The following ABCC4 variants were observed in gnomAD, a reference collection of about 807,000 sequenced individuals.
The protein encoded by ABCC4 is ATP-binding cassette sub-family C member 4.
In ABCC4, 102 loss-of-function variants were observed where a neutral mutation model predicts 168.5. The observed-to-expected ratio is 0.61, with a 90% CI of 0.52 to 0.71. ABCC4 has a LOEUF of 0.71. ABCC4 is among the 30% of genes least tolerant of loss of function. The pLI is 0.00. For synonymous variants in ABCC4, 617 were observed against 590.7 expected (o/e 1.04, Z -0.65); for missense variants, 1,402 against 1,605.8 (o/e 0.87, Z 2.17).
chr13:95,195,361 T>C (rs1379804864), intron 8 of ABCC4, among the ~76,000 whole-genome samples: 1 of 152,174 alleles, frequency 6.6e-6, no homozygotes, highest in Non-Finnish European at 1.5e-5. Flanking sequence ...CGCTAGATGC[T>C]GGCAACATGA....
At chr13:95,149,473 G>A (rs2036604325) in intron 19 of ABCC4, among the ~76,000 whole-genome samples, 1 of 152,018 alleles carries the variant, frequency 6.6e-6, no homozygotes, top group African/African-American at 2.4e-5. Context: ...AAGAGAAGAA[G>A]AATACATTTA....
At chr13:95,242,686 A>G (rs1055197083) in intron 3 of ABCC4, among the ~76,000 whole-genome samples, 1 of 152,186 alleles carries the variant, frequency 6.6e-6, no homozygotes, top group East Asian at 1.9e-4. Flanking sequence ...TGCCTGGCCA[A>G]TAAATAGCTT....
chr13:95,043,844 C>A, intron 28 of ABCC4, 57 bp from the exon 29 acceptor site: 3 of 1,209,548 alleles, frequency 2.5e-6, no homozygotes, highest in South Asian at 1.3e-5. Flanking sequence ...AGACTTAAGA[C>A]TTAAAAAGCT....
At chr13:95,028,981 C>T (rs376313846) in intron 30 of ABCC4, among the ~76,000 whole-genome samples, 152 of 151,662 alleles carry the variant, frequency 1.0e-3, no homozygotes, top group African/African-American at 3.6e-3. Flanking sequence ...GCCTGGCCAA[C>T]ATGGTAAAAA....
Position 95,034,757 on chromosome 13 carries a change from G to A in ABCC4, c.3736-18C>T, listed in dbSNP as rs761265453. 6.2e-7 allele frequency: 1 copy of A among 1,613,516 alleles called. No individual in the cohort carries two copies. Among genetic ancestry groups the A allele is most frequent in the Non-Finnish European group, 8.5e-7 (1 of 1,179,918 alleles). The stretch of plus-strand genomic sequence containing the variant: ...TCTAAAACCTGTTAATCAGCAGAAA[G>A]AAACCCATTGAAACACAATGTTTTG... On this transcript the variant is annotated intron_variant, in intron 29 of 30. Coordinates refer to ENST00000645237, the MANE Select transcript of ABCC4 (RefSeq NM_005845.5).
At chr13:95,058,567 C>CA (rs1165324016) in intron 26 of ABCC4, among the ~76,000 whole-genome samples, 107 of 62,664 alleles carry the variant, frequency 1.7e-3, no homozygotes, top group East Asian at 5.1e-3. Context: ...GACTCCATCT[C>CA]AAAAAAAAAA....
intron 1 of ABCC4, among the ~76,000 whole-genome samples, chr13:95,275,401 G>A (rs777406604): frequency 1.3e-5 from 2 of 152,144 alleles, no homozygotes; most frequent in East Asian, 1.9e-4. Context: ...GTAATTATCC[G>A]CAAGCTAATA....
chr13:95,064,350 T>G (rs937434132), intron 25 of ABCC4, among the ~76,000 whole-genome samples: 1 of 149,552 alleles, frequency 6.7e-6, no homozygotes, highest in African/African-American at 2.5e-5. Context: ...GGATATTAAT[T>G]CAAGACAGAG....
At chr13:95,071,535 G>C in intron 25 of ABCC4, 127 bp downstream of exon 25, 1 of 784,984 alleles carries the variant, frequency 1.3e-6, no homozygotes, top group Non-Finnish European at 1.8e-6. Context: ...CACATTCCAT[G>C]GTTAGTTTCC....
Position 95,301,342 on chromosome 13 carries a change from G to C in ABCC4, c.-28C>G, listed in dbSNP as rs750919041. On this transcript the variant is annotated 5_prime_UTR_variant, in exon 1 of 31. Transcript: ENST00000645237. ...TGCCGGGCGGGGCGGGCGCGGGCCG[G>C]GGTCGCGCTGATCAGGCGGCGGTGG... is the stretch of plus-strand genomic sequence containing the variant. 1 of 1,560,732 alleles carries C rather than the reference G, an allele frequency of 6.4e-7. No individual in the cohort carries two copies. Among genetic ancestry groups the C allele is most frequent in the Admixed American group, 1.9e-5 (1 of 52,958 alleles).
chr13:95,222,266 G>A (rs539408186), intron 4 of ABCC4, among the ~76,000 whole-genome samples: 1 of 152,320 alleles, frequency 6.6e-6, no homozygotes, highest in East Asian at 1.9e-4. Flanking sequence ...CCACGGCTAA[G>A]TGGCTCATAC....
intron 19 of ABCC4, among the ~76,000 whole-genome samples, chr13:95,138,769 T>C (rs952499566): frequency 6.6e-6 from 1 of 152,236 alleles, no homozygotes; most frequent in African/African-American, 2.4e-5. Context: ...AGGCATCCAT[T>C]TTACTGAAGA....
chr13:95,034,535 C>T, intron 30 of ABCC4, 70 bp downstream of exon 30: 1 of 1,553,328 alleles, frequency 6.4e-7, no homozygotes, highest in South Asian at 1.2e-5. Context: ...TTACCATACC[C>T]ATGGTGCCAA....
At chr13:95,127,663 A>AG (rs2035829987) in intron 19 of ABCC4, among the ~76,000 whole-genome samples, 1 of 152,104 alleles carries the variant, frequency 6.6e-6, no homozygotes, top group Non-Finnish European at 1.5e-5. Flanking sequence ...CCTTGCATCT[A>AG]GAGGCTCCAC....
At chr13:95,279,886 T>C (rs58751681) in intron 1 of ABCC4, among the ~76,000 whole-genome samples, 1,784 of 152,226 alleles carry the variant, frequency 0.012, 34 homozygotes, top group African/African-American at 0.04. Flanking sequence ...GCCTTGTTTC[T>C]GGCCCAATTC....
At position 95,062,967 on chromosome 13, in the gene ABCC4, C is replaced by T; in HGVS notation, c.3211-108G>A. ...TTTTTGAAGAAGAATTAAGGACATT[C>T]TATATTGAGTGTAGTCTAAGAGTTT... On this transcript the variant is annotated intron_variant, in intron 25 of 30. Coordinates refer to ENST00000645237, the MANE Select transcript of ABCC4 (RefSeq NM_005845.5). The T allele has an allele frequency of 7.1e-6, 9 of 1,270,480 alleles. No homozygotes were observed. The South Asian group carries it at 7.7e-5, about 11-fold the overall frequency. 78.7% of individuals were successfully genotyped at this position (1,270,480 alleles called of 1,614,324 possible). A position where few individuals can be genotyped will look rare whatever the true frequency, so the allele number is the denominator to read the frequency against.
intron 30 of ABCC4, among the ~76,000 whole-genome samples, chr13:95,022,486 T>A (rs575110080): frequency 5.0e-4 from 76 of 152,344 alleles, no homozygotes; most frequent in African/African-American, 1.7e-3. Context: ...CTGTATCGTA[T>A]CTTGGTTCCT....
At chr13:95,027,734 C>A (rs1366079740) in intron 30 of ABCC4, among the ~76,000 whole-genome samples, 1 of 151,754 alleles carries the variant, frequency 6.6e-6, no homozygotes, top group African/African-American at 2.4e-5. Flanking sequence ...GGAACACATG[C>A]AAAACAATAT....
At chr13:95,044,855 G>A (rs185567098) in intron 27 of ABCC4, among the ~76,000 whole-genome samples, 24 of 152,292 alleles carry the variant, frequency 1.6e-4, no homozygotes, top group Non-Finnish European at 2.4e-4. Flanking sequence ...GACAATAAGA[G>A]TGATGGTTGC....
Sources: allele counts gnomAD v4.1 joint callset (sites outside exome capture counted in the v4.1 genomes callset), GRCh38; gene constraint gnomAD v4.1.1; transcripts MANE v1.5; gene names NCBI Gene and HGNC (gene_info 2026-07-23, HGNC 2026-07-21).